Variants in NCOR1 observed in about 807,000 individuals in gnomAD.
NCOR1 encodes the protein protein phosphatase 1, regulatory subunit 109.
Under a neutral mutation model 288.1 loss-of-function variants are expected in NCOR1, and 63 were observed. That is an observed-to-expected ratio of 0.22 (90% CI 0.18 to 0.27). The LOEUF (loss-of-function observed/expected upper bound fraction) is 0.27. NCOR1 is among the 10% of genes least tolerant of loss of function. The pLI is 1.00. For missense variants in NCOR1, 2,397 were observed against 3,019.2 expected (o/e 0.79, Z 4.83); for synonymous variants, 1,007 against 1,065.9 (o/e 0.94, Z 1.08).
chr17:16,208,591 C>CT (rs1427305472), intron 1 of NCOR1, among the ~76,000 whole-genome samples: 1 of 151,676 alleles, frequency 6.6e-6, no homozygotes, highest in East Asian at 1.9e-4. Context: ...TGGCCCGCAC[C>CT]TATAATCCCA....
At position 16,032,121 on chromosome 17, in the gene NCOR1, C is replaced by T; in HGVS notation, c.*175G>A. On this transcript the variant is annotated 3_prime_UTR_variant, in exon 46 of 46. Coordinates refer to ENST00000268712, the MANE Select transcript of NCOR1 (RefSeq NM_006311.4). ...AGGCAGTTTTTTGTTTGTTTTTTTC[C>T]CATTTGACTCTCCAAATGAACTTCC... 1.6e-6 allele frequency: 1 copy of T among 631,512 alleles called. No homozygotes were observed. 39.1% of individuals were successfully genotyped at this position (631,512 alleles called of 1,614,324 possible).
At chr17:16,121,494 A>T (rs2073017394) in intron 15 of NCOR1, among the ~76,000 whole-genome samples, 1 of 152,196 alleles carries the variant, frequency 6.6e-6, no homozygotes, top group African/African-American at 2.4e-5. Flanking sequence ...TAATGGACTT[A>T]AAATTTAAAC....
At chr17:16,039,316 G>A in intron 44 of NCOR1, 117 bp downstream of exon 44, 1 of 962,182 alleles carries the variant, frequency 1.0e-6, no homozygotes, top group Non-Finnish European at 1.5e-6. Flanking sequence ...ACCCTAAGAG[G>A]TGACTCTGAG....
At chr17:16,091,095 T>G (rs528870004) in intron 22 of NCOR1, among the ~76,000 whole-genome samples, 1 of 152,088 alleles carries the variant, frequency 6.6e-6, no homozygotes, top group East Asian at 1.9e-4. Flanking sequence ...AGTAAAAGTG[T>G]ATCACACACC....
chr17:16,212,502 T>C (rs999023167), intron 1 of NCOR1, among the ~76,000 whole-genome samples: 1 of 152,170 alleles, frequency 6.6e-6, no homozygotes, highest in Non-Finnish European at 1.5e-5. Context: ...TTTTATATCA[T>C]AGTCTAGTAA....
chr17:16,213,031 A>G (rs989835700), intron 1 of NCOR1, among the ~76,000 whole-genome samples: 2 of 146,440 alleles, frequency 1.4e-5, no homozygotes, highest in African/African-American at 5.1e-5. Context: ...ACTGTATTTC[A>G]GCCTGGGCAA....
At chr17:16,210,782 T>G (rs925255648) in intron 1 of NCOR1, among the ~76,000 whole-genome samples, 1 of 151,518 alleles carries the variant, frequency 6.6e-6, no homozygotes, top group Non-Finnish European at 1.5e-5. Context: ...CAGGCTGGAG[T>G]GCAGTGGCGC....
chr17:16,150,848 T>C (rs935119440), intron 8 of NCOR1, among the ~76,000 whole-genome samples: 2 of 152,150 alleles, frequency 1.3e-5, no homozygotes, highest in African/African-American at 4.8e-5. Flanking sequence ...GTTCTCAAGA[T>C]CATAGTAGCA....
chr17:16,181,281 A>T (rs569947723), intron 3 of NCOR1, among the ~76,000 whole-genome samples: 1 of 151,108 alleles, frequency 6.6e-6, no homozygotes, highest in African/African-American at 2.4e-5. Flanking sequence ...TTTAAAAAAG[A>T]AAAAAATCCT....
chr17:16,040,578 A>AAAG, intron 42 of NCOR1, 84 bp from the exon 43 acceptor site: 1 of 1,133,396 alleles, frequency 8.8e-7, no homozygotes, highest in Non-Finnish European at 1.3e-6. Context: ...CCTATAATAA[A>AAAG]ATTAATCTTT....
chr17:16,190,018 C>T (rs2087776402), intron 2 of NCOR1, among the ~76,000 whole-genome samples: 2 of 152,068 alleles, frequency 1.3e-5, no homozygotes, highest in Admixed American at 1.3e-4. Context: ...CAGCTTGAGG[C>T]CAGGGTTTTG....
At position 16,186,650 on chromosome 17, in the gene NCOR1, T is replaced by C; in HGVS notation, c.146A>G (p.Glu49Gly). Residue 49 changes from glutamate (E) to glycine (G), a missense_variant, in exon 3 of 46, where the codon GAA becomes GGA. Physicochemically the swap from Glu to Gly is moderately conservative, Grantham distance 98 (BLOSUM62 -2). This residue lies in a region of NCOR1 where 55 missense variants were observed against 69.6 expected (regional missense o/e 0.79). Coordinates refer to ENST00000268712, the MANE Select transcript of NCOR1 (RefSeq NM_006311.4). ...CAAAAGCTGTGATGCCTGACTCACT[T>C]CAAGATGAGAGGAACGATAATCAGG... is the stretch of plus-strand genomic sequence containing the variant. ...AVPDYRSSHLEVSQASQLLQQ... is the reference protein window; with the variant it reads ...AVPDYRSSHLGVSQASQLLQQ... The C allele has an allele frequency of 6.2e-7, 1 of 1,613,928 alleles. No individual in the cohort carries two copies. Among genetic ancestry groups the C allele is most frequent in the Non-Finnish European group, 8.5e-7 (1 of 1,179,898 alleles).
intron 42 of NCOR1, among the ~76,000 whole-genome samples, chr17:16,042,620 G>GA (rs1324427235): frequency 6.6e-6 from 1 of 152,214 alleles, no homozygotes; most frequent in East Asian, 1.9e-4. Context: ...TAACTGCTCA[G>GA]AAATTAGCAG....
chr17:16,181,725 T>TA (rs911608950), intron 3 of NCOR1, among the ~76,000 whole-genome samples: 1 of 152,180 alleles, frequency 6.6e-6, no homozygotes, highest in Non-Finnish European at 1.5e-5. Context: ...TATGTAAATG[T>TA]AAAAATCATT....
intron 45 of NCOR1, among the ~76,000 whole-genome samples, chr17:16,033,914 T>C (rs1287120596): frequency 6.6e-6 from 1 of 151,748 alleles, no homozygotes; most frequent in Non-Finnish European, 1.5e-5. Context: ...CAAGTGATTC[T>C]CCCACCTCTG....
chr17:16,110,228 C>A (rs1254078637), intron 18 of NCOR1, among the ~76,000 whole-genome samples: 1 of 152,048 alleles, frequency 6.6e-6, no homozygotes, highest in Non-Finnish European at 1.5e-5. Context: ...TGCTGGTGCT[C>A]TCCTGTAGTC....
chr17:16,168,901 T>C (rs898678115), intron 4 of NCOR1, among the ~76,000 whole-genome samples: 1 of 151,574 alleles, frequency 6.6e-6, no homozygotes, highest in African/African-American at 2.4e-5. Flanking sequence ...GAGGTATAGG[T>C]TGCAGTGAGC....
chr17:16,114,152 A>AC lies in NCOR1; in HGVS notation c.2055+3735_2055+3736insG, dbSNP rs1301179754. Among the ~76,000 whole-genome samples the AC allele has an allele frequency of 8.9e-5, 13 of 146,794 alleles. 3 individuals carry two copies. The highest frequency in any genetic ancestry group is 2.7e-4 in the Admixed American group (4 of 14,596). On this transcript the variant is annotated intron_variant, in intron 18 of 45. Transcript: ENST00000268712. ...ACATGATGGCGGCAGGCAAAAAAAA[A>AC]AAAAAAAAAAAAAAAAACTTGTGCA... is the stretch of plus-strand genomic sequence containing the variant.
At chr17:16,157,600 G>C (rs1450816323) in intron 6 of NCOR1, among the ~76,000 whole-genome samples, 2 of 152,140 alleles carry the variant, frequency 1.3e-5, no homozygotes, top group African/African-American at 4.8e-5. Context: ...GTGTAAGATA[G>C]ACTGACAGAT....
Sources: gnomAD v4.1 joint callset for allele counts (sites outside exome capture counted in the v4.1 genomes callset) on GRCh38, gnomAD v4.1.1 for gene constraint, gnomAD v4.1.1 regional missense constraint, MANE v1.5 for transcripts, NCBI Gene and HGNC (gene_info 2026-07-23, HGNC 2026-07-21) for gene names.